The following ADGRG6 variants were observed in gnomAD, a reference collection of about 807,000 sequenced individuals.
The protein encoded by ADGRG6 is adhesion G protein-coupled receptor G6, also known as G-protein coupled receptor 126.
In ADGRG6, 84 loss-of-function variants were observed where a neutral mutation model predicts 142.4. The ratio of observed to expected loss-of-function variants is 0.59; its 90% CI spans 0.49 to 0.71. The LOEUF (loss-of-function observed/expected upper bound fraction) is 0.71. Among genes scored for constraint, ADGRG6 ranks in the 30% least tolerant of loss-of-function variants. The pLI is 0.00. For missense variants in ADGRG6, 1,367 were observed against 1,466.6 expected (o/e 0.93, Z 1.11); for synonymous variants, 521 against 520.5 (o/e 1.00, Z -0.01).
intron 22 of ADGRG6, among the ~76,000 whole-genome samples, chr6:142,420,517 T>C (rs1278679666): frequency 6.6e-6 from 1 of 152,162 alleles, no homozygotes; most frequent in Non-Finnish European, 1.5e-5. Flanking sequence ...AGATTTACCG[T>C]TGATGGCCAG....
intron 10 of ADGRG6, among the ~76,000 whole-genome samples, chr6:142,400,230 A>G (rs1376669875): frequency 6.6e-6 from 1 of 152,178 alleles, no homozygotes; most frequent in African/African-American, 2.4e-5. Flanking sequence ...GTTTATACTT[A>G]CATAACTGTG....
At position 142,304,193 on chromosome 6, in the gene ADGRG6, A is replaced by G. The variant is rs192274843; in HGVS notation, c.2+1862A>G. Among the ~76,000 whole-genome samples, 158 of 152,334 alleles carry G rather than the reference A, an allele frequency of 1.0e-3. 2 individuals carry two copies. Among genetic ancestry groups the G allele is most frequent in the Middle Eastern group, 3.4e-3 (1 of 294 alleles). ...TGAAAAATGTTAAAATGGGTAACAT[A>G]AGCTATATTATCCTTTAAATTTTAA... On this transcript the variant is annotated intron_variant, in intron 1 of 24. Transcript: ENST00000367609.
intron 13 of ADGRG6, 82 bp downstream of exon 13, chr6:142,402,912 G>A: frequency 4.1e-6 from 3 of 726,274 alleles, no homozygotes; most frequent in East Asian, 2.7e-5. Context: ...AATACTTTGT[G>A]CCCAGATTTC....
chr6:142,343,033 T>A (rs971520320), intron 2 of ADGRG6, among the ~76,000 whole-genome samples: 29 of 151,796 alleles, frequency 1.9e-4, no homozygotes, highest in African/African-American at 5.3e-4. Flanking sequence ...ATGGTAAAAA[T>A]TTTTTATAAA....
At chr6:142,308,042 G>A (rs1227923024) in intron 1 of ADGRG6, among the ~76,000 whole-genome samples, 1 of 151,984 alleles carries the variant, frequency 6.6e-6, no homozygotes. Flanking sequence ...TGGCATATGA[G>A]ATTAATCTTG....
chr6:142,379,490 G>A (rs553189804), intron 4 of ADGRG6, among the ~76,000 whole-genome samples: 4 of 152,124 alleles, frequency 2.6e-5, no homozygotes, highest in Admixed American at 2.0e-4. Flanking sequence ...TTCACAGGCC[G>A]GGCACGGTGG....
chr6:142,338,027 T>TTTTTTTTGTTTTG (rs1554234632), intron 2 of ADGRG6, among the ~76,000 whole-genome samples: 1 of 58,002 alleles, frequency 1.7e-5, no homozygotes. Flanking sequence ...GTTTTTTTTT[T>TTTTTTTTGTTTTG]TTTTTTTTTT....
At chr6:142,318,984 A>G (rs951516927) in intron 2 of ADGRG6, among the ~76,000 whole-genome samples, 3 of 152,122 alleles carry the variant, frequency 2.0e-5, no homozygotes, top group African/African-American at 7.2e-5. Context: ...GCAATTGCAG[A>G]TGAAGATGAA....
chr6:142,430,597 A>G (rs1160236890), intron 22 of ADGRG6, among the ~76,000 whole-genome samples: 2 of 152,190 alleles, frequency 1.3e-5, no homozygotes, highest in Non-Finnish European at 2.9e-5. Flanking sequence ...TTTCTAGCCT[A>G]AATATCTAAG....
intron 2 of ADGRG6, among the ~76,000 whole-genome samples, chr6:142,360,106 A>G (rs989701858): frequency 6.6e-6 from 1 of 152,192 alleles, no homozygotes; most frequent in African/African-American, 2.4e-5. Flanking sequence ...CCCTTGGCAA[A>G]TTATTTGAGA....
chr6:142,388,590 T>G (rs535208026), intron 6 of ADGRG6, among the ~76,000 whole-genome samples: 2 of 152,196 alleles, frequency 1.3e-5, no homozygotes, highest in African/African-American at 2.4e-5. Context: ...GAACCCACCT[T>G]AAACACGTTC....
Position 142,302,318 on chromosome 6 carries a change from A to G in ADGRG6, c.-12A>G. 6.2e-7 allele frequency: 1 copy of G among 1,613,086 alleles called. No individual in the cohort carries two copies. Among genetic ancestry groups the G allele is most frequent in the Non-Finnish European group, 8.5e-7 (1 of 1,179,456 alleles). ...TTGCGGCCAAAGGGGACCTCGGCGC[A>G]GTAATGTCAACATGTAAGTCTCACC... On this transcript the variant is annotated 5_prime_UTR_variant, in exon 1 of 25. Coordinates refer to ENST00000367609, the MANE Select transcript of ADGRG6 (RefSeq NM_198569.3).
In ADGRG6 at chr6:142,397,654, A is replaced by G. The variant is rs777617124; in HGVS notation, c.1466A>G (p.Asn489Ser). ...WALLVYNATN[N>S]TNLEGKIIQQ... ...CTTCTAGTTTACAATGCTACCAACA[A>G]TACTAATTTGGAAGGAAAAATCATT... The change falls in exon 10 of 25, where the codon AAT becomes AGT. Residue 489 changes from asparagine (N) to serine (S), a missense_variant. Asn to Ser is a conservative substitution (Grantham distance 46). Around this residue, in one of 3 missense-constraint regions of ADGRG6, gnomAD observed 737 missense variants for 746.5 expected, o/e 0.99. Transcript: ENST00000367609. 3 of 1,609,398 alleles carry G rather than the reference A, an allele frequency of 1.9e-6. No homozygotes were observed. In the African/African-American group the frequency reaches 4.0e-5, roughly 22 times the overall value.
chr6:142,313,212 A>G (rs1006458262), intron 2 of ADGRG6, among the ~76,000 whole-genome samples: 2 of 152,124 alleles, frequency 1.3e-5, no homozygotes, highest in Non-Finnish European at 2.9e-5. Context: ...CCAGAGAGGC[A>G]TAGAAGTGTA....
chr6:142,417,021 A>G (rs1776397084), intron 20 of ADGRG6: 1 of 495,010 alleles, frequency 2.0e-6, no homozygotes. Context: ...AGCAAACAGA[A>G]TTTTATTTAA....
At chr6:142,368,745 G>T (rs1781071868) in intron 3 of ADGRG6, among the ~76,000 whole-genome samples, 1 of 151,248 alleles carries the variant, frequency 6.6e-6, no homozygotes, top group African/African-American at 2.4e-5. Context: ...TGTTTACCAT[G>T]GTTAAAACAC....
chr6:142,328,689 T>G (rs1209211997), intron 2 of ADGRG6, among the ~76,000 whole-genome samples: 1 of 152,150 alleles, frequency 6.6e-6, no homozygotes, highest in Admixed American at 6.5e-5. Context: ...GAACCAACAG[T>G]AGAGTATCAC....
Position 142,405,833 on chromosome 6 carries a change from G to A in ADGRG6, c.2268+5G>A. The A allele has an allele frequency of 6.4e-7, 1 of 1,568,708 alleles. No homozygotes were observed. The highest frequency in any genetic ancestry group is 8.6e-7 in the Non-Finnish European group (1 of 1,159,962). On this transcript the variant is annotated splice_donor_5th_base_variant and intron_variant, in intron 15 of 24. Transcript: ENST00000367609. ...AACAAAACTGGACTTTTCCAGGTAA[G>A]CACATTCATTAAATTATTGTTTTTC... is the stretch of plus-strand genomic sequence containing the variant.
chr6:142,314,296 G>T (rs1029497101), intron 2 of ADGRG6, among the ~76,000 whole-genome samples: 1 of 152,138 alleles, frequency 6.6e-6, no homozygotes, highest in Non-Finnish European at 1.5e-5. Flanking sequence ...CAAGTGACCC[G>T]CAGTGTGATG....
Sources: allele counts gnomAD v4.1 joint callset (sites outside exome capture counted in the v4.1 genomes callset), GRCh38; gene constraint gnomAD v4.1.1; regional missense constraint gnomAD v4.1.1; transcripts MANE v1.5; gene names NCBI Gene and HGNC (gene_info 2026-07-23, HGNC 2026-07-21).